NCAPH: variants seen among roughly 807,000 people sequenced by gnomAD.
NCAPH encodes the protein non-SMC condensin I complex subunit H.
A neutral mutation model predicts 85.5 loss-of-function variants in NCAPH; 38 were observed. The observed-to-expected ratio is 0.44, with a 90% CI of 0.34 to 0.58. NCAPH has a LOEUF of 0.58. Among genes scored for constraint, NCAPH ranks in the 20% least tolerant of loss-of-function variants. The pLI is 0.01. For missense variants in NCAPH, 789 were observed against 916.6 expected (o/e 0.86, Z 1.80); for synonymous variants, 301 against 335.1 (o/e 0.90, Z 1.11).
At chr2:96,335,880 A>C in intron 1 of NCAPH, 32 bp downstream of exon 1, 1 of 1,446,996 alleles carries the variant, frequency 6.9e-7, no homozygotes, top group Non-Finnish European at 9.1e-7. Context: ...CGCGGCGGGA[A>C]GGGCCCCTAG....
At chr2:96,339,590 CAAA>C (rs950305411) in intron 1 of NCAPH, among the ~76,000 whole-genome samples, 8 of 65,304 alleles carry the variant, frequency 1.2e-4, no homozygotes, top group African/African-American at 1.7e-4. Flanking sequence ...GACTCTGTCT[CAAA>C]AAAAAAAAAA....
intron 9 of NCAPH, among the ~76,000 whole-genome samples, chr2:96,358,161 C>G (rs1002321454): frequency 5.9e-5 from 9 of 152,218 alleles, no homozygotes; most frequent in African/African-American, 2.2e-4. Context: ...AACTGCCATG[C>G]TGCACTGACC....
chr2:96,344,295 G>A, intron 6 of NCAPH, 66 bp downstream of exon 6: 1 of 1,515,948 alleles, frequency 6.6e-7, no homozygotes, highest in East Asian at 2.4e-5. Context: ...AGACTTGGCA[G>A]GGCTAAGGCT....
At chr2:96,354,706 C>T (rs910413329) in intron 9 of NCAPH, among the ~76,000 whole-genome samples, 1 of 152,202 alleles carries the variant, frequency 6.6e-6, no homozygotes, top group Non-Finnish European at 1.5e-5. Flanking sequence ...GTGTCATACA[C>T]ATCAGCTGAG....
intron 1 of NCAPH, among the ~76,000 whole-genome samples, chr2:96,336,123 TG>T (rs149572015): frequency 0.019 from 2,901 of 152,046 alleles, 46 homozygotes; most frequent in South Asian, 0.028. Context: ...GGGCGGGCGG[TG>T]GGGCGGCCTC....
At chr2:96,343,018 A>G in intron 4 of NCAPH, 148 bp from the exon 5 acceptor site, 1 of 1,191,514 alleles carries the variant, frequency 8.4e-7, no homozygotes, top group Non-Finnish European at 1.2e-6. Flanking sequence ...GAGAATATAT[A>G]TTCTGTTTAT....
intron 8 of NCAPH, 75 bp downstream of exon 8, chr2:96,353,472 C>T: frequency 1.6e-6 from 2 of 1,265,712 alleles, no homozygotes. Flanking sequence ...GGAACCAAAA[C>T]TGTGGCATCA....
At chr2:96,368,442 G>A (rs923856877) in intron 15 of NCAPH, among the ~76,000 whole-genome samples, 23 of 152,154 alleles carry the variant, frequency 1.5e-4, no homozygotes, top group African/African-American at 5.6e-4. Flanking sequence ...GGATCATGAG[G>A]TCAGGTGTTC....
chr2:96,352,199 C>T (rs1026511528), intron 7 of NCAPH, among the ~76,000 whole-genome samples, 179 bp downstream of exon 7: 19 of 152,182 alleles, frequency 1.2e-4, no homozygotes, highest in African/African-American at 4.6e-4. Flanking sequence ...TAACTTTTGT[C>T]TTCTCTGCGG....
At chr2:96,358,564 G>C (rs1464220317) in intron 9 of NCAPH, among the ~76,000 whole-genome samples, 3 of 152,152 alleles carry the variant, frequency 2.0e-5, no homozygotes, top group Non-Finnish European at 4.4e-5. Flanking sequence ...CACCTCCTGG[G>C]TTCACGCCAT....
At chr2:96,361,775 T>TAC in intron 12 of NCAPH, among the ~76,000 whole-genome samples, 1 of 139,406 alleles carries the variant, frequency 7.2e-6, no homozygotes, top group South Asian at 2.3e-4. Context: ...TATACATATA[T>TAC]ATATATACAC....
chr2:96,370,771 C>T (rs1319203610), intron 17 of NCAPH, among the ~76,000 whole-genome samples: 1 of 152,184 alleles, frequency 6.6e-6, no homozygotes, highest in African/African-American at 2.4e-5. Flanking sequence ...GACCATTGGG[C>T]TTGTAACCAC....
chr2:96,359,247 A>G, intron 10 of NCAPH, 54 bp downstream of exon 10: 1 of 1,595,128 alleles, frequency 6.3e-7, no homozygotes. Context: ...ATGACCAGCC[A>G]GTCAGCAGTT....
chr2:96,364,322 G>A (rs1392626673), intron 12 of NCAPH, among the ~76,000 whole-genome samples, 159 bp from the exon 13 acceptor site: 1 of 152,162 alleles, frequency 6.6e-6, no homozygotes, highest in Non-Finnish European at 1.5e-5. Flanking sequence ...ACTGTATAGT[G>A]GAAAAGTCTG....
Position 96,336,337 on chromosome 2 carries a change from T to C in NCAPH, c.19+489T>C, listed in dbSNP as rs568744762. Among the ~76,000 whole-genome samples, 275 of 152,136 alleles carry C rather than the reference T, an allele frequency of 1.8e-3. 2 individuals are homozygous for C. Among genetic ancestry groups the C allele is most frequent in the African/African-American group, 6.4e-3 (265 of 41,488 alleles). ...TGATAATATCTCTATACTGTTGGAGTTGGGGAGACAGACAGTAAACAAAAG... is the reference window on the plus strand; with the variant it reads ...TGATAATATCTCTATACTGTTGGAGCTGGGGAGACAGACAGTAAACAAAAG... On this transcript the variant is annotated intron_variant, in intron 1 of 17. Transcript: ENST00000240423.
chr2:96,349,335 T>C (rs810057), intron 6 of NCAPH, among the ~76,000 whole-genome samples: 42,094 of 152,014 alleles, frequency 0.28, 6,866 homozygotes, highest in East Asian at 0.45. Flanking sequence ...GGATGGATTG[T>C]CACAAACAGA....
intron 2 of NCAPH, 47 bp downstream of exon 2, chr2:96,341,941 T>C: frequency 1.2e-6 from 2 of 1,604,722 alleles, no homozygotes; most frequent in South Asian, 1.1e-5. Flanking sequence ...CGCCTTGATA[T>C]GGGCTGCGTA....
chr2:96,341,559 TCCACC>T, intron 1 of NCAPH, 78 bp from the exon 2 acceptor site: 2 of 1,508,810 alleles, frequency 1.3e-6, no homozygotes, highest in East Asian at 4.5e-5. Flanking sequence ...GTGGTGAACC[TCCACC>T]CCTGTGACAG....
rs558051787 is a variant in NCAPH at position 96,353,153 on chromosome 2, A to G, written c.911-153A>G. On this transcript the variant is annotated intron_variant, in intron 7 of 17. Transcript: ENST00000240423. ...GAGGCAGGGACACAGACTGGCAGCT[A>G]GCCAGCCACTGATGATACTTGAGCC... Among the ~76,000 whole-genome samples, 122 of 152,360 alleles carry G rather than the reference A, an allele frequency of 8.0e-4. 1 individual carries two copies. Among genetic ancestry groups the G allele is most frequent in the African/African-American group, 2.9e-3 (119 of 41,586 alleles).
Sources: gnomAD v4.1 joint callset for allele counts (sites outside exome capture counted in the v4.1 genomes callset) on GRCh38, gnomAD v4.1.1 for gene constraint, MANE v1.5 for transcripts, NCBI Gene and HGNC (gene_info 2026-07-23, HGNC 2026-07-21) for gene names.